The following NUP50 variants were observed in gnomAD, a reference collection of about 807,000 sequenced individuals.
NUP50 encodes the protein nuclear pore complex protein Nup50.
A neutral mutation model predicts 36.8 loss-of-function variants in NUP50; 14 were observed. The ratio of observed to expected loss-of-function variants is 0.38; its 90% CI spans 0.25 to 0.59. NUP50 has a LOEUF of 0.59. NUP50 is among the 20% of genes least tolerant of loss of function. NUP50 has a pLI of 0.63. For synonymous variants in NUP50, 195 were observed against 210.8 expected (o/e 0.93, Z 0.65); for missense variants, 455 against 564.6 (o/e 0.81, Z 1.97).
Position 45,178,721 on chromosome 22 carries a change from A to C in NUP50, c.824A>C (p.Lys275Thr). The C allele has an allele frequency of 6.2e-7, 1 of 1,613,332 alleles. No individual in the cohort carries two copies. The highest frequency in any genetic ancestry group is 8.5e-7 in the Non-Finnish European group (1 of 1,179,870). ...ACAAGTGCCTCATTTAATTTCGGCA[A>C]GAAAGTTGATAGCTCTGTTTTGGGC... is the stretch of plus-strand genomic sequence containing the variant. ...GATSASFNFG[K>T]KVDSSVLGSL... Residue 275 changes from lysine to threonine, a missense_variant, in exon 5 of 8, where the codon AAG (lysine) becomes ACG (threonine). Transcript: ENST00000347635.
In NUP50 at chr22:45,178,673, C is replaced by T. The variant is rs571943397; in HGVS notation, c.776C>T (p.Thr259Met). The change falls in exon 5 of 8, where the codon ACG becomes ATG. Residue 259 changes from threonine to methionine, a missense_variant. Thr to Met is a moderately conservative substitution (Grantham distance 81). Around this residue, in one of 3 missense-constraint regions of NUP50, gnomAD observed 287 missense variants for 345.5 expected, o/e 0.83. Coordinates refer to ENST00000347635, the MANE Select transcript of NUP50 (RefSeq NM_007172.4). ...KKMEVASEKK[T>M]DPSSLGATSA... The stretch of plus-strand genomic sequence containing the variant: ...ATGGAGGTGGCATCTGAAAAGAAAA[C>T]GGACCCATCATCACTAGGAGCGACA... 25 of 1,612,010 alleles carry T rather than the reference C, an allele frequency of 1.6e-5. No homozygotes were observed. The African/African-American group carries it at 2.3e-4, about 15-fold the overall frequency.
chr22:45,180,817 A>AT (rs1217672056), intron 5 of NUP50, among the ~76,000 whole-genome samples: 2 of 149,582 alleles, frequency 1.3e-5, no homozygotes, highest in Admixed American at 6.7e-5. Context: ...CTTTGGAATG[A>AT]TTTTTCTGAC....
intron 1 of NUP50, chr22:45,166,283 C>CTTTTTTTTTTTTTTTTTTT (rs71190641): frequency 1.5e-4 from 18 of 121,942 alleles, no homozygotes; most frequent in South Asian, 2.5e-4. Context: ...TTTTCTTTTT[C>CTTTTTTTTTTTTTTTTTTT]TTTTTTTTTT....
chr22:45,181,331 C>T lies in NUP50; in HGVS notation c.1049C>T (p.Thr350Ile). 1 of 1,591,086 alleles carries T rather than the reference C, an allele frequency of 6.3e-7. No homozygotes were observed. Among genetic ancestry groups the T allele is most frequent in the East Asian group, 2.3e-5 (1 of 43,180 alleles). Reference protein sequence around the residue: ...ENDEPPKVVVTEVKEEDAFYS... With the variant: ...ENDEPPKVVVIEVKEEDAFYS... ...GATGAGCCACCCAAAGTAGTAGTTA[C>T]CGAAGTAAAAGAAGAAGATGCTTTT... is the stretch of plus-strand genomic sequence containing the variant. Residue 350 changes from threonine to isoleucine, a missense_variant, in exon 6 of 8, where the codon ACC (threonine) becomes ATC (isoleucine). This residue lies in a region of NUP50 where 287 missense variants were observed against 345.5 expected (regional missense o/e 0.83). Coordinates refer to ENST00000347635, the MANE Select transcript of NUP50 (RefSeq NM_007172.4).
rs1249577679 is a variant in NUP50, at chr22:45,185,304, AAGG to A, written c.*652_*654del. On this transcript the variant is annotated 3_prime_UTR_variant, in exon 8 of 8. Coordinates refer to ENST00000347635, the MANE Select transcript of NUP50 (RefSeq NM_007172.4). ...TCTAAAAAGAAATGAACAGCTTGTG[AAGG>A]AGTTTTTTGGCTTCATAGTTTCTAT... 6.5e-6 allele frequency: 1 copy of A among 152,982 alleles called. No individual in the cohort carries two copies. The highest frequency in any genetic ancestry group is 1.9e-4 in the East Asian group (1 of 5,204). The allele number at this position is 152,982 out of a possible 1,614,324, so 9.5% of individuals were successfully genotyped here. A position where few individuals can be genotyped will look rare whatever the true frequency, so the allele number is the denominator to read the frequency against.
intron 7 of NUP50, 37 bp downstream of exon 7, chr22:45,183,557 C>A: frequency 7.9e-7 from 1 of 1,258,408 alleles, no homozygotes; most frequent in Non-Finnish European, 1.2e-6. Context: ...AAATCATCAT[C>A]ACATAGTATA....
intron 6 of NUP50, among the ~76,000 whole-genome samples, chr22:45,182,341 T>A (rs1176101024): frequency 6.6e-6 from 1 of 152,102 alleles, no homozygotes; most frequent in Non-Finnish European, 1.5e-5. Flanking sequence ...TTTGGGAGGC[T>A]GAGGCATGAG....
chr22:45,176,490 G>A (rs893785407), intron 4 of NUP50, among the ~76,000 whole-genome samples: 5 of 152,148 alleles, frequency 3.3e-5, no homozygotes, highest in African/African-American at 4.8e-5. Context: ...GCGGTTCTCC[G>A]TGGCCAGGGT....
rs1601795523 is a variant in NUP50, at chr22:45,185,404, T to A, written c.*749T>A. ...ATAAAGGGGGATTGCCAGGAATGGG[T>A]TTAAAAGCACAAATGTGGTAGCTTA... On this transcript the variant is annotated 3_prime_UTR_variant, in exon 8 of 8. Coordinates refer to ENST00000347635, the MANE Select transcript of NUP50 (RefSeq NM_007172.4). 6.6e-6 allele frequency: 1 copy of A among 151,988 alleles called. No homozygotes were observed. The highest frequency in any genetic ancestry group is 2.4e-5 in the African/African-American group (1 of 41,330). The allele number at this position is 151,988 out of a possible 1,614,324, so 9.4% of individuals were successfully genotyped here. A position where few individuals can be genotyped will look rare whatever the true frequency, so the allele number is the denominator to read the frequency against.
At chr22:45,176,766 T>C (rs765050908) in intron 4 of NUP50, among the ~76,000 whole-genome samples, 21 of 152,118 alleles carry the variant, frequency 1.4e-4, no homozygotes, top group Admixed American at 1.3e-3. Flanking sequence ...TTTTCTAAGT[T>C]GGAGTCTTGC....
chr22:45,170,845 ATTTAG>A (rs1273706501), intron 2 of NUP50: 2 of 397,518 alleles, frequency 5.0e-6, no homozygotes, highest in East Asian at 1.8e-4. Context: ...GAAAGATTAC[ATTTAG>A]TTAAGTACAT....
At chr22:45,168,058 A>C in intron 1 of NUP50, 110 bp from the exon 2 acceptor site, 1 of 805,116 alleles carries the variant, frequency 1.2e-6, no homozygotes, top group Non-Finnish European at 2.0e-6. Context: ...TTCCCTGATA[A>C]AAAAACCAGA....
intron 3 of NUP50, among the ~76,000 whole-genome samples, chr22:45,173,736 C>T: frequency 6.6e-6 from 1 of 152,164 alleles, no homozygotes; most frequent in Non-Finnish European, 1.5e-5. Context: ...GGGCAGTCAC[C>T]TGTGCAACCG....
Position 45,186,356 on chromosome 22 carries a change from A to T in NUP50, c.*1701A>T, listed in dbSNP as rs1404785796. The T allele has an allele frequency of 1.3e-5, 2 of 152,228 alleles. No homozygotes were observed. The highest frequency in any genetic ancestry group is 3.2e-3 in the Middle Eastern group (1 of 314). The allele number at this position is 152,228 out of a possible 1,614,324, so 9.4% of individuals were successfully genotyped here. A position where few individuals can be genotyped will look rare whatever the true frequency, so the allele number is the denominator to read the frequency against. ...TTTCTGTTGCGGATGATTCATAGTA[A>T]GCAAGCGGTTGATGCTGTTAATACC... On this transcript the variant is annotated 3_prime_UTR_variant, in exon 8 of 8. Transcript: ENST00000347635.
chr22:45,166,283 C>CTTTTTTTTTTTTTTTTTT (rs71190641), intron 1 of NUP50: 6 of 121,944 alleles, frequency 4.9e-5, no homozygotes, highest in African/African-American at 1.0e-4. Context: ...TTTTCTTTTT[C>CTTTTTTTTTTTTTTTTTT]TTTTTTTTTT....
Position 45,168,215 on chromosome 22 carries a change from G to A in NUP50, c.38G>A (p.Arg13Lys), listed in dbSNP as rs1325763439. 1.2e-6 allele frequency: 2 copies of A among 1,612,042 alleles called. No individual in the cohort carries two copies. Among genetic ancestry groups the A allele is most frequent in the Middle Eastern group, 1.7e-4 (1 of 6,054 alleles). Residue 13 changes from arginine to lysine, a missense_variant, in exon 2 of 8, where the codon AGG (arginine) becomes AAG (lysine). Around this residue, in one of 3 missense-constraint regions of NUP50, gnomAD observed 166 missense variants for 202.8 expected, o/e 0.82. Coordinates refer to ENST00000347635, the MANE Select transcript of NUP50 (RefSeq NM_007172.4). ...KRNAEKELTD[R>K]NWDQEDEAEE... ...AATGCCGAGAAGGAACTGACAGATAGGAATTGGGATCAAGAAGATGAAGCT... is the reference window on the plus strand; with the variant it reads ...AATGCCGAGAAGGAACTGACAGATAAGAATTGGGATCAAGAAGATGAAGCT...
Position 45,186,939 on chromosome 22 carries a change from T to TACTTTCCCC in NUP50, c.*2288_*2296dup, listed in dbSNP as rs528175720. 2.6e-4 allele frequency: 39 copies of TACTTTCCCC among 152,386 alleles called. No individual in the cohort carries two copies. Among genetic ancestry groups the TACTTTCCCC allele is most frequent in the Admixed American group, 1.2e-3 (18 of 15,306 alleles). The allele number at this position is 152,386 out of a possible 1,614,324, so 9.4% of individuals were successfully genotyped here. ...GCACGGGGCCCCTGGAGGGCTTCCCTACTTTCCCCACTATGTTAACAGGTA... is the reference window on the plus strand; with the variant it reads ...GCACGGGGCCCCTGGAGGGCTTCCCTACTTTCCCCACTTTCCCCACTATGTTAACAGGTA... On this transcript the variant is annotated 3_prime_UTR_variant, in exon 8 of 8. Transcript: ENST00000347635.
At chr22:45,181,392 C>T (rs765063992) in intron 6 of NUP50, 25 bp downstream of exon 6, 27 of 1,492,994 alleles carry the variant, frequency 1.8e-5, no homozygotes, top group African/African-American at 1.7e-4. Flanking sequence ...AACCTGCTGG[C>T]GCATGTGTTT....
chr22:45,171,794 T>C, intron 3 of NUP50, 111 bp downstream of exon 3: 1 of 860,746 alleles, frequency 1.2e-6, no homozygotes, highest in Non-Finnish European at 1.9e-6. Context: ...TTAAAATACT[T>C]ATTCTTTGAT....
Sources: gnomAD v4.1 joint callset for allele counts (sites outside exome capture counted in the v4.1 genomes callset) on GRCh38, gnomAD v4.1.1 for gene constraint, gnomAD v4.1.1 regional missense constraint, MANE v1.5 for transcripts, NCBI Gene and HGNC (gene_info 2026-07-23, HGNC 2026-07-21) for gene names.